Variants in CHRM5 observed in about 807,000 individuals in gnomAD.
CHRM5 encodes the protein cholinergic receptor muscarinic 5.
Under a neutral mutation model 39.0 loss-of-function variants are expected in CHRM5, and 18 were observed. That is an observed-to-expected ratio of 0.46 (90% CI 0.32 to 0.68). The LOEUF (loss-of-function observed/expected upper bound fraction) is 0.68. Ranked by LOEUF, CHRM5 falls within the 30% of genes least tolerant of loss-of-function variation. CHRM5 has a pLI of 0.04. For missense variants in CHRM5, 515 were observed against 651.1 expected, an observed-to-expected ratio of 0.79 and a Z score of 2.28; for synonymous variants, 241 against 246.3, an observed-to-expected ratio of 0.98 and a Z score of 0.20.
At chr15:34,059,184 A>C (rs774577297) in intron 2 of CHRM5, among the ~76,000 whole-genome samples, 1 of 152,232 alleles carries the variant, frequency 6.6e-6, no homozygotes, top group Non-Finnish European at 1.5e-5. Flanking sequence ...GGCGTGAGCC[A>C]CCACACCTGG....
chr15:33,988,753 T>G (rs483279), intron 1 of CHRM5, among the ~76,000 whole-genome samples: 141,819 of 152,260 alleles, frequency 0.93, 66,733 homozygotes, highest in Non-Finnish European at 1. Context: ...ATTACAGGGT[T>G]GAAAAAACTC....
At chr15:34,009,857 C>A (rs1286738056) in intron 1 of CHRM5, among the ~76,000 whole-genome samples, 3 of 152,054 alleles carry the variant, frequency 2.0e-5, no homozygotes, top group Non-Finnish European at 4.4e-5. Context: ...AGCATGGTGG[C>A]ATGAACCTGT....
At chr15:33,973,744 C>T (rs994908002) in intron 1 of CHRM5, among the ~76,000 whole-genome samples, 1 of 152,136 alleles carries the variant, frequency 6.6e-6, no homozygotes, top group Non-Finnish European at 1.5e-5. Flanking sequence ...TACGAAATTG[C>T]ATTTTTCATG....
intron 1 of CHRM5, among the ~76,000 whole-genome samples, chr15:34,022,158 T>G (rs2702284): frequency 0.63 from 95,375 of 152,202 alleles, 34,915 homozygotes; most frequent in Non-Finnish European, 0.82. Flanking sequence ...CTAGCTGAAC[T>G]GCTTTCTATT....
rs1294484353 is a variant in CHRM5 at position 34,063,691 on chromosome 15, A to G, written c.974A>G (p.Tyr325Cys). Residue 325 changes from tyrosine to cysteine, a missense_variant, in exon 3 of 3, where the codon TAC becomes TGC. Physicochemically the swap from Tyr to Cys is radical, Grantham distance 194 (BLOSUM62 -2). Coordinates refer to ENST00000383263, the MANE Select transcript of CHRM5 (RefSeq NM_012125.4). The surrounding 1 kb of genome is among the most constrained non-coding windows in gnomAD (Gnocchi z 4.1). ...PATDPVLQVV[Y>C]KSQGKESPGE... ...ACTGACCCTGTCCTCCAAGTGGTCT[A>G]CAAGAGTCAGGGTAAGGAAAGCCCA... 1 of 1,614,094 alleles carries G rather than the reference A, an allele frequency of 6.2e-7. No homozygotes were observed. The highest frequency in any genetic ancestry group is 8.5e-7 in the Non-Finnish European group (1 of 1,180,046).
chr15:33,979,235 C>T (rs72718621), intron 1 of CHRM5, among the ~76,000 whole-genome samples: 7,042 of 152,188 alleles, frequency 0.046, 243 homozygotes, highest in Non-Finnish European at 0.069. Context: ...AAAGACTGCA[C>T]GGTTGGCCAG....
intron 1 of CHRM5, among the ~76,000 whole-genome samples, chr15:34,017,879 A>C (rs1198804481): frequency 6.6e-6 from 1 of 152,166 alleles, no homozygotes; most frequent in Non-Finnish European, 1.5e-5. Context: ...TATTTACAAC[A>C]GTGGTCCCAT....
In CHRM5 at chr15:34,046,758, C is replaced by G. The variant is rs1423887108; in HGVS notation, c.-189C>G. ...AAATATCCAGGTTCTCGCTTTGGGACTAATTGGGCAAACAACTTGACCCAC... is the reference window on the plus strand; with the variant it reads ...AAATATCCAGGTTCTCGCTTTGGGAGTAATTGGGCAAACAACTTGACCCAC... On this transcript the variant is annotated 5_prime_UTR_variant, in exon 2 of 3. Coordinates refer to ENST00000383263, the MANE Select transcript of CHRM5 (RefSeq NM_012125.4). 6.6e-6 allele frequency: 1 copy of G among 152,364 alleles called. No homozygotes were observed. The highest frequency in any genetic ancestry group is 1.5e-5 in the Non-Finnish European group (1 of 68,162). 9.4% of individuals were successfully genotyped at this position (152,364 alleles called of 1,614,324 possible). A position where few individuals can be genotyped will look rare whatever the true frequency, so the allele number is the denominator to read the frequency against.
intron 2 of CHRM5, among the ~76,000 whole-genome samples, chr15:34,059,381 A>G (rs1275944860): frequency 6.6e-6 from 1 of 152,194 alleles, no homozygotes; most frequent in Non-Finnish European, 1.5e-5. Flanking sequence ...TGAAGAATTG[A>G]TTAGAAAAAA....
At chr15:33,979,723 T>A (rs1390320106) in intron 1 of CHRM5, among the ~76,000 whole-genome samples, 1 of 152,228 alleles carries the variant, frequency 6.6e-6, no homozygotes, top group Non-Finnish European at 1.5e-5. Flanking sequence ...TCATAACATG[T>A]CAGCTTTACT....
At chr15:33,978,025 G>A (rs1895962146) in intron 1 of CHRM5, among the ~76,000 whole-genome samples, 1 of 149,554 alleles carries the variant, frequency 6.7e-6, no homozygotes, top group South Asian at 2.1e-4. Flanking sequence ...AGGGAGGGAG[G>A]GATGGAAGGA....
chr15:34,024,771 G>A (rs1597365046), intron 1 of CHRM5, among the ~76,000 whole-genome samples: 1 of 151,384 alleles, frequency 6.6e-6, no homozygotes, highest in East Asian at 2.0e-4. Context: ...TGAGGCAGGA[G>A]AATAGCTTGA....
Position 34,041,813 on chromosome 15 carries a change from A to T in CHRM5, c.-407-4727A>T, listed in dbSNP as rs902219426. 3.3e-5 allele frequency among the ~76,000 whole-genome samples: 5 copies of T among 152,362 alleles called. No homozygotes were observed. The East Asian group carries it at 9.6e-4, about 29-fold the overall frequency. ...GAAAACTGAGTTGCAAAAAAGTTAAATAATTTGCTCAAGCTAGTAAGTAAC... is the reference window on the plus strand; with the variant it reads ...GAAAACTGAGTTGCAAAAAAGTTAATTAATTTGCTCAAGCTAGTAAGTAAC... On this transcript the variant is annotated intron_variant, in intron 1 of 2. Transcript: ENST00000383263.
At chr15:34,014,906 G>A (rs1413724161) in intron 1 of CHRM5, among the ~76,000 whole-genome samples, 1 of 152,136 alleles carries the variant, frequency 6.6e-6, no homozygotes, top group Non-Finnish European at 1.5e-5. Context: ...AGCAGAAGAG[G>A]AATAATAAAA....
intron 1 of CHRM5, among the ~76,000 whole-genome samples, chr15:34,042,462 G>A (rs1597383031): frequency 6.8e-6 from 1 of 147,250 alleles, no homozygotes; most frequent in South Asian, 2.2e-4. Context: ...GTACAATGGC[G>A]CAATCTCAGC....
At chr15:33,991,689 A>G (rs1896733729) in intron 1 of CHRM5, 1 of 152,218 alleles carries the variant, frequency 6.6e-6, no homozygotes, top group South Asian at 2.1e-4. Flanking sequence ...GATTAATTCT[A>G]TGTAAGAAAA....
At chr15:33,975,351 G>A (rs1597295954) in intron 1 of CHRM5, among the ~76,000 whole-genome samples, 1 of 152,154 alleles carries the variant, frequency 6.6e-6, no homozygotes, top group East Asian at 1.9e-4. Flanking sequence ...TAGAGCAAGA[G>A]GGCACAGGTT....
intron 1 of CHRM5, among the ~76,000 whole-genome samples, chr15:34,006,255 G>A (rs1345713543): frequency 6.6e-6 from 1 of 151,298 alleles, no homozygotes; most frequent in Non-Finnish European, 1.5e-5. Context: ...AGTTTGCAGT[G>A]AGTCAAGATC....
chr15:33,990,982 T>C (rs565856194), intron 1 of CHRM5: 188 of 152,298 alleles, frequency 1.2e-3, no homozygotes, highest in African/African-American at 4.4e-3. Context: ...CTCTGATTAG[T>C]ACAAAATGTC....
Sources: allele counts gnomAD v4.1 joint callset (sites outside exome capture counted in the v4.1 genomes callset), GRCh38; gene constraint gnomAD v4.1.1; non-coding constraint Gnocchi (gnomAD v3.1); transcripts MANE v1.5; gene names NCBI Gene and HGNC (gene_info 2026-07-23, HGNC 2026-07-21).